The following UBL3 variants were observed in gnomAD, a reference collection of about 807,000 sequenced individuals.
The protein encoded by UBL3 is ubiquitin-like protein 3.
In UBL3, 6 loss-of-function variants were observed where a neutral mutation model predicts 18.4. The ratio of observed to expected loss-of-function variants is 0.33; its 90% confidence interval spans 0.18 to 0.64. The LOEUF is 0.64. Among genes scored for constraint, UBL3 ranks in the 30% least tolerant of loss-of-function variants. The pLI is 0.76. For missense variants in UBL3, 109 were observed against 142.9 expected (o/e 0.76, Z 1.21); for synonymous variants, 49 against 46.6 (o/e 1.05, Z -0.21).
intron 1 of UBL3, among the ~76,000 whole-genome samples, chr13:29,801,115 C>T (rs1170600638): frequency 1.3e-5 from 2 of 152,170 alleles, no homozygotes; most frequent in Admixed American, 1.3e-4. Flanking sequence ...ATTGCAGATG[C>T]AGGGGTACTG....
intron 1 of UBL3, among the ~76,000 whole-genome samples, chr13:29,835,871 A>C (rs1464797027): frequency 2.0e-5 from 3 of 152,072 alleles, no homozygotes; most frequent in Admixed American, 6.6e-5. Context: ...GAGCCAATAC[A>C]ATTAAAGCAT....
chr13:29,799,349 A>C (rs1877701001), intron 1 of UBL3, among the ~76,000 whole-genome samples: 1 of 152,260 alleles, frequency 6.6e-6, no homozygotes, highest in Non-Finnish European at 1.5e-5. Flanking sequence ...TACTGTGATA[A>C]ACCATCAAGA....
chr13:29,807,287 T>C (rs1408041324), intron 1 of UBL3, among the ~76,000 whole-genome samples: 1 of 152,178 alleles, frequency 6.6e-6, no homozygotes, highest in African/African-American at 2.4e-5. Flanking sequence ...ACTCTCCTAG[T>C]CCTGGCTTTT....
At chr13:29,809,826 A>T (rs1877993320) in intron 1 of UBL3, among the ~76,000 whole-genome samples, 1 of 152,158 alleles carries the variant, frequency 6.6e-6, no homozygotes, top group African/African-American at 2.4e-5. Context: ...ATAACACAGT[A>T]TTTCCATATA....
intron 1 of UBL3, among the ~76,000 whole-genome samples, chr13:29,810,514 G>C (rs1213024620): frequency 2.0e-5 from 3 of 152,086 alleles, no homozygotes; most frequent in Non-Finnish European, 4.4e-5. Flanking sequence ...TAAAAGGCCA[G>C]ATGCTGTACT....
intron 1 of UBL3, among the ~76,000 whole-genome samples, chr13:29,836,390 C>A (rs574137947): frequency 6.0e-5 from 9 of 150,574 alleles, no homozygotes; most frequent in Middle Eastern, 6.8e-3. Flanking sequence ...AAAATAAAAC[C>A]AGGGTACGAA....
chr13:29,809,264 T>G (rs1286808640), intron 1 of UBL3, among the ~76,000 whole-genome samples: 1 of 151,972 alleles, frequency 6.6e-6, no homozygotes. Flanking sequence ...AAAGGGATAC[T>G]TGCACTGAGA....
chr13:29,836,530 C>G (rs969668661), intron 1 of UBL3, among the ~76,000 whole-genome samples: 1 of 151,782 alleles, frequency 6.6e-6, no homozygotes, highest in East Asian at 1.9e-4. Context: ...GGAGAACAAC[C>G]AAGGGTCAGG....
At chr13:29,841,575 T>G (rs1879101014) in intron 1 of UBL3, among the ~76,000 whole-genome samples, 1 of 152,206 alleles carries the variant, frequency 6.6e-6, no homozygotes, top group Non-Finnish European at 1.5e-5. Flanking sequence ...GAAGTAGGTT[T>G]CATTTCTACC....
intron 2 of UBL3, among the ~76,000 whole-genome samples, chr13:29,774,177 G>A (rs1876920125): frequency 6.6e-6 from 1 of 152,002 alleles, no homozygotes; most frequent in Non-Finnish European, 1.5e-5. Context: ...ATTCAGTACT[G>A]GTAGATGGTC....
rs879729149 is a variant in UBL3, at chr13:29,773,422, C to CTT, written c.137-1225_137-1224insAA. On this transcript the variant is annotated intron_variant, in intron 2 of 4. Transcript: ENST00000380680. ...TCTAGAAGAAAGATCAAATAAGTCTCTAACACTATAGTATGAATTGCTTTG... is the reference window on the plus strand; with the variant it reads ...TCTAGAAGAAAGATCAAATAAGTCTCTTTAACACTATAGTATGAATTGCTTTG... Among the ~76,000 whole-genome samples the CTT allele has an allele frequency of 2.1e-4, 32 of 152,226 alleles. No individual in the cohort carries two copies. The Middle Eastern group carries it at 0.01, about 49-fold the overall frequency.
chr13:29,817,448 T>C (rs894535605), intron 1 of UBL3, among the ~76,000 whole-genome samples: 2 of 151,972 alleles, frequency 1.3e-5, no homozygotes, highest in African/African-American at 2.4e-5. Flanking sequence ...CTCTACTTGG[T>C]AGGGGAGGGG....
intron 2 of UBL3, among the ~76,000 whole-genome samples, chr13:29,773,311 C>T (rs1028487430): frequency 6.6e-6 from 1 of 152,088 alleles, no homozygotes; most frequent in African/African-American, 2.4e-5. Context: ...TTCCTGCCCC[C>T]GCTCCATGCC....
intron 1 of UBL3, among the ~76,000 whole-genome samples, chr13:29,788,985 C>T (rs1406180670): frequency 6.6e-6 from 1 of 151,960 alleles, no homozygotes; most frequent in African/African-American, 2.4e-5. Context: ...CCGCAACCTC[C>T]ACCTCCTGGG....
chr13:29,788,870 T>TGTGTGTGTGCGC (rs1180662351), intron 1 of UBL3, among the ~76,000 whole-genome samples: 7 of 20,880 alleles, frequency 3.4e-4, no homozygotes, highest in Admixed American at 1.3e-3. Context: ...TGTGTGTGTG[T>TGTGTGTGTGCGC]GCGCGCGCGC....
At chr13:29,782,228 C>T (rs1877195474) in intron 1 of UBL3, among the ~76,000 whole-genome samples, 1 of 151,672 alleles carries the variant, frequency 6.6e-6, no homozygotes, top group Admixed American at 6.6e-5. Context: ...TCTTTTTTTC[C>T]ACTCACAAGC....
chr13:29,777,383 T>C, intron 1 of UBL3, 120 bp from the exon 2 acceptor site: 1 of 784,080 alleles, frequency 1.3e-6, no homozygotes, highest in Admixed American at 2.3e-5. Context: ...TATTGTGGTT[T>C]TTATTTAAAT....
intron 1 of UBL3, among the ~76,000 whole-genome samples, chr13:29,784,651 TC>T (rs1318388227): frequency 3.9e-5 from 6 of 152,068 alleles, no homozygotes; most frequent in African/African-American, 1.4e-4. Flanking sequence ...TATACAATAT[TC>T]TTGAAATGAC....
At chr13:29,779,767 C>A (rs776276031) in intron 1 of UBL3, among the ~76,000 whole-genome samples, 2 of 152,318 alleles carry the variant, frequency 1.3e-5, no homozygotes, top group Admixed American at 1.3e-4. Flanking sequence ...GTGGGAACAA[C>A]AGAACACATG....
Sources: gnomAD v4.1 joint callset for allele counts (sites outside exome capture counted in the v4.1 genomes callset) on GRCh38, gnomAD v4.1.1 for gene constraint, MANE v1.5 for transcripts, NCBI Gene and HGNC (gene_info 2026-07-23, HGNC 2026-07-21) for gene names.